PCDH9: variants seen among roughly 807,000 people sequenced by gnomAD.
PCDH9 encodes protocadherin 9, also known as protocadherin-9.
PCDH9 carries 24 observed loss-of-function variants against 70.6 expected under a neutral mutation model. The ratio of observed to expected loss-of-function variants is 0.34; its 90% CI spans 0.25 to 0.48. PCDH9 has a LOEUF of 0.48. Among genes scored for constraint, PCDH9 ranks in the 20% least tolerant of loss-of-function variants. PCDH9 has a pLI of 0.99. For synonymous variants in PCDH9, 562 were observed against 558.5 expected, an observed-to-expected ratio of 1.01 and a Z score of -0.09; for missense variants, 1,281 against 1,503.6, an observed-to-expected ratio of 0.85 and a Z score of 2.45.
At chr13:66,813,064 T>A (rs1413265233) in intron 3 of PCDH9, among the ~76,000 whole-genome samples, 1 of 152,218 alleles carries the variant, frequency 6.6e-6, no homozygotes. Context: ...CATCTGGAAC[T>A]GTTCATTTTC....
chr13:66,760,985 A>C (rs1466914408), intron 3 of PCDH9, among the ~76,000 whole-genome samples: 4 of 152,104 alleles, frequency 2.6e-5, no homozygotes, highest in Admixed American at 1.3e-4. Context: ...TTTCCTGTTA[A>C]GATGTTTATC....
At chr13:66,530,695 T>G (rs1960414150) in intron 4 of PCDH9, among the ~76,000 whole-genome samples, 1 of 152,024 alleles carries the variant, frequency 6.6e-6, no homozygotes, top group African/African-American at 2.4e-5. Flanking sequence ...CAACATAGGT[T>G]TTTTGTCTTT....
chr13:66,751,850 A>G (rs954346965), intron 3 of PCDH9, among the ~76,000 whole-genome samples: 5 of 152,214 alleles, frequency 3.3e-5, no homozygotes, highest in Admixed American at 1.3e-4. Flanking sequence ...ACAGCAGGCA[A>G]TCTGCTAAAC....
Position 66,404,775 on chromosome 13 carries a change from T to G in PCDH9, c.3341-99747A>C, listed in dbSNP as rs111301282. Among the ~76,000 whole-genome samples, 1,239 of 152,156 alleles carry G rather than the reference T, an allele frequency of 8.1e-3. 28 individuals are homozygous for G. The highest frequency in any genetic ancestry group is 0.028 in the African/African-American group (1,152 of 41,558). ...AATATTTTTACTCACATCTTTACCT[T>G]CATGCCTTTTTCCCCCCTTTCTACT... On this transcript the variant is annotated intron_variant, in intron 4 of 4. Coordinates refer to ENST00000377865, the MANE Select transcript of PCDH9 (RefSeq NM_203487.3).
intron 4 of PCDH9, among the ~76,000 whole-genome samples, chr13:66,423,326 G>A (rs2138354794): frequency 6.6e-6 from 1 of 150,890 alleles, no homozygotes; most frequent in South Asian, 2.1e-4. Flanking sequence ...ATTTTATGAG[G>A]CCAGCATCAT....
chr13:66,720,247 G>A (rs2078923958), intron 3 of PCDH9, among the ~76,000 whole-genome samples: 2 of 151,802 alleles, frequency 1.3e-5, no homozygotes, highest in African/African-American at 4.8e-5. Flanking sequence ...CCAGGTTCAA[G>A]TGATTCTCCT....
At chr13:67,042,402 G>C (rs192848573) in intron 2 of PCDH9, among the ~76,000 whole-genome samples, 2 of 152,048 alleles carry the variant, frequency 1.3e-5, no homozygotes, top group East Asian at 3.9e-4. Flanking sequence ...GAGAAGTGCC[G>C]AGCAAAGGGC....
At chr13:66,950,789 C>T (rs1436466636) in intron 2 of PCDH9, among the ~76,000 whole-genome samples, 4 of 152,064 alleles carry the variant, frequency 2.6e-5, no homozygotes, top group African/African-American at 7.2e-5. Flanking sequence ...ATGTGAAGAG[C>T]TTAAAATTGT....
intron 2 of PCDH9, among the ~76,000 whole-genome samples, chr13:66,907,650 G>T (rs1490867826): frequency 6.6e-6 from 1 of 152,008 alleles, no homozygotes; most frequent in Non-Finnish European, 1.5e-5. Flanking sequence ...CATATTAAGA[G>T]AAAAATAATC....
At chr13:66,395,455 G>A (rs1307297268) in intron 4 of PCDH9, among the ~76,000 whole-genome samples, 1 of 152,002 alleles carries the variant, frequency 6.6e-6, no homozygotes, top group Non-Finnish European at 1.5e-5. Context: ...ACAAAAATTA[G>A]CAGGGCACGG....
rs574561933 is a variant in PCDH9 at position 66,594,292 on chromosome 13, C to G, written c.3340+36918G>C. Reference sequence around the variant, plus strand: ...GGCAAAAAGCAAAGAAAACCTCCAGCCATGGCCCTGTGAAAAATCATCCAG... The same window carrying G: ...GGCAAAAAGCAAAGAAAACCTCCAGGCATGGCCCTGTGAAAAATCATCCAG... On this transcript the variant is annotated intron_variant, in intron 4 of 4. Coordinates refer to ENST00000377865, the MANE Select transcript of PCDH9 (RefSeq NM_203487.3). Among the ~76,000 whole-genome samples the G allele has an allele frequency of 1.8e-4, 28 of 151,752 alleles. 1 individual carries two copies. The South Asian group carries it at 5.8e-3, about 32-fold the overall frequency.
intron 4 of PCDH9, among the ~76,000 whole-genome samples, chr13:66,568,890 A>C (rs1342630462): frequency 6.6e-6 from 1 of 151,946 alleles, no homozygotes; most frequent in Non-Finnish European, 1.5e-5. Flanking sequence ...ACAGTAGTTG[A>C]ATACAGGAGA....
At chr13:66,912,339 A>G (rs1215804926) in intron 2 of PCDH9, among the ~76,000 whole-genome samples, 5 of 152,296 alleles carry the variant, frequency 3.3e-5, no homozygotes, top group South Asian at 2.1e-4. Flanking sequence ...TGACAAATAC[A>G]TACTGAAACT....
chr13:66,908,774 A>T (rs577250945), intron 2 of PCDH9, among the ~76,000 whole-genome samples: 1 of 151,882 alleles, frequency 6.6e-6, no homozygotes, highest in Non-Finnish European at 1.5e-5. Flanking sequence ...TATTTTTGTT[A>T]TCTTTAATCA....
intron 2 of PCDH9, among the ~76,000 whole-genome samples, chr13:67,091,826 T>C (rs1324866196): frequency 6.6e-6 from 1 of 152,180 alleles, no homozygotes; most frequent in Non-Finnish European, 1.5e-5. Context: ...ATGTTATTTA[T>C]AGTGTCAATC....
At chr13:67,178,534 A>G (rs1471581149) in intron 2 of PCDH9, among the ~76,000 whole-genome samples, 8 of 152,196 alleles carry the variant, frequency 5.3e-5, no homozygotes, top group Admixed American at 5.2e-4. Flanking sequence ...TTCTTAGTTT[A>G]TAATTTGCCT....
chr13:67,146,615 A>C (rs1019958853), intron 2 of PCDH9, among the ~76,000 whole-genome samples: 3 of 152,178 alleles, frequency 2.0e-5, no homozygotes, highest in Non-Finnish European at 4.4e-5. Flanking sequence ...GGAACATCGG[A>C]AACCAGCAAA....
intron 3 of PCDH9, among the ~76,000 whole-genome samples, chr13:66,825,838 T>C (rs2080814501): frequency 6.6e-6 from 1 of 152,122 alleles, no homozygotes; most frequent in South Asian, 2.1e-4. Flanking sequence ...ATGCAATAAA[T>C]GGTGCCGAAA....
chr13:66,938,057 A>G (rs1356862672), intron 2 of PCDH9, among the ~76,000 whole-genome samples: 1 of 152,198 alleles, frequency 6.6e-6, no homozygotes, highest in Non-Finnish European at 1.5e-5. Flanking sequence ...ACAGTGCTCT[A>G]AAAGGAGAGT....
Sources: allele counts gnomAD v4.1 joint callset (sites outside exome capture counted in the v4.1 genomes callset), GRCh38; gene constraint gnomAD v4.1.1; transcripts MANE v1.5; gene names NCBI Gene and HGNC (gene_info 2026-07-23, HGNC 2026-07-21).